ERI1: variants seen among roughly 807,000 people sequenced by gnomAD.
The protein encoded by ERI1 is 3'-5' exoribonuclease 1.
In ERI1, 39 loss-of-function variants were observed where a neutral mutation model predicts 39.7. The observed-to-expected ratio is 0.98, with a 90% CI of 0.76 to 1.28. The LOEUF (loss-of-function observed/expected upper bound fraction) is 1.28, where lower values mean the gene tolerates loss of function less well. Ranked by LOEUF, ERI1 falls within the 50% of genes most tolerant of loss-of-function variation. The probability of loss-of-function intolerance (pLI) is 0.00; values close to 1 mark genes in which losing one functional copy is unlikely to be tolerated. For synonymous variants in ERI1, 204 were observed against 149.6 expected (o/e 1.36, Z -2.65); for missense variants, 581 against 416.9 (o/e 1.39, Z -3.43).
chr8:9,079,251 G>C (rs1799300414), intron 3 of ERI1, among the ~76,000 whole-genome samples: 1 of 152,246 alleles, frequency 6.6e-6, no homozygotes, highest in Admixed American at 6.5e-5. Flanking sequence ...AGCAGATGTT[G>C]AGAGCAGAAG....
Position 9,011,754 on chromosome 8 carries a change from T to G in ERI1, c.498+2T>G. On this transcript the variant is annotated splice_donor_variant, in intron 3 of 6. Coordinates refer to ENST00000250263, the MANE Select transcript of ERI1 (RefSeq NM_153332.4). LOFTEE classifies it high-confidence loss of function. ...CTGAATACGCATACTTTAGAAATAG[T>G]AAGTGAATTTTTGTATTTTAATTGT... 6.3e-7 allele frequency: 1 copy of G among 1,585,518 alleles called. No homozygotes were observed. Among genetic ancestry groups the G allele is most frequent in the Non-Finnish European group, 8.6e-7 (1 of 1,160,290 alleles).
chr8:9,051,672 A>G (rs995542445), intron 3 of ERI1, among the ~76,000 whole-genome samples: 8 of 149,430 alleles, frequency 5.4e-5, no homozygotes, highest in African/African-American at 2.0e-4. Context: ...AAAAAAAAAG[A>G]AGCACGACTA....
At chr8:9,015,486 G>A (rs1430989026) in intron 3 of ERI1, among the ~76,000 whole-genome samples, 3 of 151,966 alleles carry the variant, frequency 2.0e-5, no homozygotes, top group African/African-American at 4.8e-5. Context: ...ACAGAGTTGT[G>A]AGCATAAAAT....
At chr8:9,046,267 G>A (rs915380994) in intron 3 of ERI1, among the ~76,000 whole-genome samples, 18 of 152,192 alleles carry the variant, frequency 1.2e-4, no homozygotes, top group African/African-American at 4.3e-4. Flanking sequence ...TTGAGTGGCA[G>A]TGATGAGTCT....
chr8:9,022,994 T>C (rs1818076654), intron 6 of ERI1, among the ~76,000 whole-genome samples: 1 of 152,226 alleles, frequency 6.6e-6, no homozygotes, highest in Non-Finnish European at 1.5e-5. Flanking sequence ...CATTGTGACA[T>C]CTTAAAAAAT....
intron 6 of ERI1, among the ~76,000 whole-genome samples, chr8:9,024,465 G>T (rs974605570): frequency 6.6e-6 from 1 of 151,290 alleles, no homozygotes; most frequent in Non-Finnish European, 1.5e-5. Flanking sequence ...CTGTCATCCA[G>T]CCTGGAGTGC....
At chr8:9,086,559 C>A (rs751812352) in intron 3 of ERI1, among the ~76,000 whole-genome samples, 2 of 152,046 alleles carry the variant, frequency 1.3e-5, no homozygotes, top group Non-Finnish European at 2.9e-5. Flanking sequence ...ACTAGGCAAC[C>A]GACCAACCAA....
In ERI1 at chr8:9,016,369, G is replaced by C. The variant is rs779124008; in HGVS notation, c.546G>C (p.Leu182=). The change falls in exon 4 of 7, where the codon CTG becomes CTC. Residue 182 remains leucine (L), a synonymous_variant. Transcript: ENST00000250263. Reference sequence around the variant, plus strand: ...TAAGACCAGAGATTAACACACAGCTGTCTGATTTCTGCATCAGTCTAACTG... The same window carrying C: ...TAAGACCAGAGATTAACACACAGCTCTCTGATTTCTGCATCAGTCTAACTG... ...QYVRPEINTQ[L]SDFCISLTGI... 25 of 1,607,682 alleles carry C rather than the reference G, an allele frequency of 1.6e-5. No homozygotes were observed. Among genetic ancestry groups the C allele is most frequent in the Admixed American group, 3.4e-5 (2 of 59,300 alleles).
At chr8:9,097,411 C>T (rs750167102) in intron 3 of ERI1, among the ~76,000 whole-genome samples, 1 of 152,000 alleles carries the variant, frequency 6.6e-6, no homozygotes, top group African/African-American at 2.4e-5. Flanking sequence ...GCCTGTAATC[C>T]CAACACTTTG....
At chr8:9,004,118 C>T (rs1280686163) in intron 1 of ERI1, 3 of 1,289,326 alleles carry the variant, frequency 2.3e-6, no homozygotes, top group African/African-American at 1.5e-5. Context: ...AAGAAGGTCT[C>T]GTTAAGGATC....
chr8:9,005,204 GTTT>G (rs1461321725), intron 1 of ERI1, among the ~76,000 whole-genome samples: 1 of 152,024 alleles, frequency 6.6e-6, no homozygotes, highest in Non-Finnish European at 1.5e-5. Flanking sequence ...AGATGCAGAG[GTTT>G]TCCTTTTCTT....
At chr8:9,041,920 G>C (rs1023801534) in intron 3 of ERI1, among the ~76,000 whole-genome samples, 4 of 152,130 alleles carry the variant, frequency 2.6e-5, no homozygotes, top group African/African-American at 9.7e-5. Flanking sequence ...TTTTAGTAGA[G>C]ACGTGGTTTC....
chr8:9,090,666 C>G (rs944359520), intron 3 of ERI1, among the ~76,000 whole-genome samples: 3 of 152,104 alleles, frequency 2.0e-5, no homozygotes, highest in Non-Finnish European at 4.4e-5. Context: ...GGGTCCTCCT[C>G]TATAGATAAA....
At chr8:9,005,998 C>G (rs1815977499) in intron 1 of ERI1, among the ~76,000 whole-genome samples, 1 of 152,158 alleles carries the variant, frequency 6.6e-6, no homozygotes, top group Non-Finnish European at 1.5e-5. Context: ...TGGAATCTAT[C>G]ACTTTTCTCA....
intron 3 of ERI1, among the ~76,000 whole-genome samples, chr8:9,082,460 G>A (rs952231263): frequency 6.6e-6 from 1 of 152,192 alleles, no homozygotes; most frequent in East Asian, 1.9e-4. Flanking sequence ...TGAGAGTTAA[G>A]CTGGATGAGA....
chr8:9,033,981 C>T (rs1358396981), downstream of ERI1, among the ~76,000 whole-genome samples: 2 of 152,228 alleles, frequency 1.3e-5, no homozygotes, highest in South Asian at 4.1e-4. Context: ...CTAATGTGAC[C>T]AGCTGTAAGG....
At chr8:9,068,264 C>T (rs1231309430) in intron 3 of ERI1, among the ~76,000 whole-genome samples, 1 of 152,160 alleles carries the variant, frequency 6.6e-6, no homozygotes, top group African/African-American at 2.4e-5. Context: ...TTCCCTCGCA[C>T]CTCATGTGGC....
chr8:9,016,669 T>C (rs565500085), intron 4 of ERI1, among the ~76,000 whole-genome samples: 3 of 152,260 alleles, frequency 2.0e-5, no homozygotes, highest in South Asian at 4.1e-4. Context: ...ATTGTTTCCA[T>C]ACTGAACTTG....
rs142485877 is a variant in ERI1 at position 9,075,349 on chromosome 8, T to C, written n.300-40999T>C. ...TATGAGGAAATGAGGGAGACATGTA[T>C]TGGGAAATATTTTCAGGGTTTGGAG... On this transcript the variant is annotated intron_variant and non_coding_transcript_variant, in intron 3 of 3. Coordinates refer to the ERI1 transcript ENST00000518663. Among the ~76,000 whole-genome samples, 332 of 152,280 alleles carry C rather than the reference T, an allele frequency of 2.2e-3. 4 individuals are homozygous for C. The highest frequency in any genetic ancestry group is 3.5e-3 in the Non-Finnish European group (240 of 68,024).
Sources: gnomAD v4.1 joint callset for allele counts (sites outside exome capture counted in the v4.1 genomes callset) on GRCh38, gnomAD v4.1.1 for gene constraint, MANE v1.5 for transcripts, NCBI Gene and HGNC (gene_info 2026-07-23, HGNC 2026-07-21) for gene names.